Variants in KCNMA1 observed in about 807,000 individuals in gnomAD.
KCNMA1 encodes Calcium-activated potassium channel subunit alpha-1.
A neutral mutation model predicts 140.0 loss-of-function variants in KCNMA1; 29 were observed. That is an observed-to-expected ratio of 0.21 (90% CI 0.15 to 0.28). The LOEUF (loss-of-function observed/expected upper bound fraction) is 0.28. Among genes scored for constraint, KCNMA1 ranks in the 10% least tolerant of loss-of-function variants. The probability of loss-of-function intolerance (pLI) is 1.00; values close to 1 mark genes in which losing one functional copy is unlikely to be tolerated. For missense variants in KCNMA1, 880 were observed against 1,602.2 expected (o/e 0.55, Z 7.70); for synonymous variants, 612 against 611.9 (o/e 1.00, Z 0.00).
chr10:77,488,045 T>C (rs927135854), intron 1 of KCNMA1, among the ~76,000 whole-genome samples: 2 of 152,202 alleles, frequency 1.3e-5, no homozygotes, highest in Non-Finnish European at 2.9e-5. Context: ...TAGGCATATA[T>C]TCATTCAATA....
chr10:77,209,967 A>G (rs150779575), intron 3 of KCNMA1, among the ~76,000 whole-genome samples: 70 of 151,808 alleles, frequency 4.6e-4, no homozygotes, highest in African/African-American at 1.6e-3. Context: ...ATGGGTTCAC[A>G]ACCAAATTCT....
chr10:77,339,500 G>A (rs2090275011), intron 2 of KCNMA1, among the ~76,000 whole-genome samples: 1 of 152,156 alleles, frequency 6.6e-6, no homozygotes, highest in African/African-American at 2.4e-5. Context: ...AACACCATGG[G>A]GAAGCAGAGC....
At position 77,636,849 on chromosome 10, in the gene KCNMA1, C is replaced by T. The variant is rs924745718; in HGVS notation, c.378+416G>A. The T allele has an allele frequency of 4.2e-6, 6 of 1,428,802 alleles. No individual in the cohort carries two copies. The African/African-American group carries it at 8.6e-5, about 21-fold the overall frequency. 88.5% of individuals were successfully genotyped at this position (1,428,802 alleles called of 1,614,324 possible). A position where few individuals can be genotyped will look rare whatever the true frequency, so the allele number is the denominator to read the frequency against. Reference sequence around the variant, plus strand: ...GGCGGATGTGCTCCCTCTCGCCCACCGCCAGGAGCCGAGCCCCGGCAGGTG... The same window carrying T: ...GGCGGATGTGCTCCCTCTCGCCCACTGCCAGGAGCCGAGCCCCGGCAGGTG... On this transcript the variant is annotated intron_variant, in intron 1 of 27. Transcript: ENST00000286628.
intron 10 of KCNMA1, among the ~76,000 whole-genome samples, chr10:77,088,149 C>T (rs1350172570): frequency 2.6e-5 from 4 of 151,916 alleles, no homozygotes; most frequent in African/African-American, 7.3e-5. Context: ...TCAGTAGACA[C>T]AGGGTTTTGC....
At chr10:77,128,112 T>C (rs1225705212) in intron 5 of KCNMA1, among the ~76,000 whole-genome samples, 2 of 152,206 alleles carry the variant, frequency 1.3e-5, no homozygotes, top group Non-Finnish European at 2.9e-5. Context: ...TTAGTCATTT[T>C]ATTTTCTTCT....
chr10:76,953,243 G>A (rs1392059380), intron 21 of KCNMA1, among the ~76,000 whole-genome samples: 1 of 152,152 alleles, frequency 6.6e-6, no homozygotes, highest in Non-Finnish European at 1.5e-5. Flanking sequence ...GATGCACAAG[G>A]CTATTATCTA....
chr10:77,171,390 T>C (rs559068617), intron 5 of KCNMA1, among the ~76,000 whole-genome samples: 47 of 119,024 alleles, frequency 3.9e-4, no homozygotes, highest in Non-Finnish European at 5.8e-4. Context: ...CGTGTGCGTG[T>C]GTGTGTGTGC....
At chr10:77,154,610 C>A (rs2098461938) in intron 5 of KCNMA1, among the ~76,000 whole-genome samples, 1 of 151,972 alleles carries the variant, frequency 6.6e-6, no homozygotes, top group Admixed American at 6.6e-5. Flanking sequence ...CAGGTAGGTA[C>A]CTTAATATGC....
At chr10:77,005,633 T>C (rs1298551882) in intron 18 of KCNMA1, among the ~76,000 whole-genome samples, 2 of 152,216 alleles carry the variant, frequency 1.3e-5, no homozygotes, top group Non-Finnish European at 2.9e-5. Flanking sequence ...ATGGATTCTA[T>C]GAGGTTATGT....
At chr10:77,151,513 C>T (rs962641738) in intron 5 of KCNMA1, among the ~76,000 whole-genome samples, 4 of 152,064 alleles carry the variant, frequency 2.6e-5, no homozygotes, top group African/African-American at 4.8e-5. Flanking sequence ...AGGCATGAGC[C>T]ACCACACCTG....
chr10:76,990,720 T>G (rs2082495382), intron 19 of KCNMA1, among the ~76,000 whole-genome samples: 2 of 152,226 alleles, frequency 1.3e-5, no homozygotes, highest in Admixed American at 1.3e-4. Context: ...GCATCCCTGC[T>G]GGATATGTTC....
chr10:77,127,687 T>C (rs1414682549), intron 5 of KCNMA1, among the ~76,000 whole-genome samples: 1 of 151,976 alleles, frequency 6.6e-6, no homozygotes, highest in African/African-American at 2.4e-5. Flanking sequence ...GAATCCCAAT[T>C]TGAGGTCGGG....
At chr10:77,587,426 C>T (rs1298322017) in intron 1 of KCNMA1, among the ~76,000 whole-genome samples, 2 of 152,190 alleles carry the variant, frequency 1.3e-5, no homozygotes, top group Non-Finnish European at 2.9e-5. Flanking sequence ...CCCTTTTCTA[C>T]ATTCTTAAGT....
chr10:77,267,240 G>A (rs1472166186), intron 2 of KCNMA1, among the ~76,000 whole-genome samples: 1 of 152,216 alleles, frequency 6.6e-6, no homozygotes, highest in Non-Finnish European at 1.5e-5. Flanking sequence ...ACAGACTGGG[G>A]AGGAGCTCTG....
intron 5 of KCNMA1, among the ~76,000 whole-genome samples, chr10:77,175,349 T>A (rs2098743686): frequency 6.6e-6 from 1 of 152,210 alleles, no homozygotes; most frequent in Non-Finnish European, 1.5e-5. Context: ...GAATATTAAC[T>A]CAGAGAATGA....
At chr10:77,129,761 CAAAAT>C (rs1191215693) in intron 5 of KCNMA1, among the ~76,000 whole-genome samples, 8 of 151,038 alleles carry the variant, frequency 5.3e-5, no homozygotes, top group Admixed American at 2.6e-4. Context: ...AGAAAACAAA[CAAAAT>C]AAAGTTCTGG....
chr10:77,491,056 C>T (rs973590702), intron 1 of KCNMA1, among the ~76,000 whole-genome samples: 27 of 152,220 alleles, frequency 1.8e-4, no homozygotes, highest in African/African-American at 5.8e-4. Context: ...GATGGAGACA[C>T]TGAGGTCCAC....
chr10:76,883,679 C>T (rs138488513), downstream of KCNMA1, among the ~76,000 whole-genome samples: 82 of 147,518 alleles, frequency 5.6e-4, no homozygotes, highest in African/African-American at 2.0e-3. Flanking sequence ...AATGTATATA[C>T]TTTATTTTCA....
At chr10:77,156,393 A>G (rs1199963880) in intron 5 of KCNMA1, among the ~76,000 whole-genome samples, 1 of 152,188 alleles carries the variant, frequency 6.6e-6, no homozygotes, top group Non-Finnish European at 1.5e-5. Context: ...CATTCAAGTG[A>G]AATCACCTTT....
Sources: allele counts gnomAD v4.1 joint callset (sites outside exome capture counted in the v4.1 genomes callset), GRCh38; gene constraint gnomAD v4.1.1; transcripts MANE v1.5; gene names NCBI Gene and HGNC (gene_info 2026-07-23, HGNC 2026-07-21).